Variants in PHLPP1 observed in about 807,000 individuals in gnomAD.
The protein encoded by PHLPP1 is PH domain leucine-rich repeat-containing protein phosphatase 1.
A neutral mutation model predicts 117.2 loss-of-function variants in PHLPP1; 42 were observed. The ratio of observed to expected loss-of-function variants is 0.36; its 90% CI spans 0.28 to 0.46. PHLPP1 has a LOEUF of 0.46. PHLPP1 is among the 20% of genes least tolerant of loss of function. PHLPP1 has a pLI of 1.00. For synonymous variants in PHLPP1, 1,042 were observed against 970.7 expected, an observed-to-expected ratio of 1.07 and a Z score of -1.37; for missense variants, 2,084 against 2,241.9, an observed-to-expected ratio of 0.93 and a Z score of 1.42.
Position 62,930,508 on chromosome 18 carries a change from A to G in PHLPP1, c.2960+10394A>G, listed in dbSNP as rs556280168. ...ATAATAAAGGGTTCGATTCAACCAG[A>G]AGATTTAATTATCCTATGTACATAC... On this transcript the variant is annotated intron_variant, in intron 10 of 16. Transcript: ENST00000262719. Among the ~76,000 whole-genome samples, 4 of 152,350 alleles carry G rather than the reference A, an allele frequency of 2.6e-5. No homozygotes were observed. In the South Asian group the frequency reaches 8.3e-4, roughly 32 times the overall value.
intron 3 of PHLPP1, among the ~76,000 whole-genome samples, chr18:62,859,450 A>C: frequency 6.6e-6 from 1 of 152,212 alleles, no homozygotes; most frequent in East Asian, 1.9e-4. Context: ...GACATAAAAT[A>C]AGTTTTACAT....
intron 1 of PHLPP1, among the ~76,000 whole-genome samples, chr18:62,797,398 G>A (rs886136458): frequency 2.6e-5 from 4 of 152,112 alleles, no homozygotes; most frequent in African/African-American, 9.7e-5. Context: ...TCCCCATAAA[G>A]CTTATATCCT....
intron 4 of PHLPP1, among the ~76,000 whole-genome samples, chr18:62,885,387 C>T (rs748509096): frequency 1.2e-4 from 18 of 152,098 alleles, no homozygotes; most frequent in Non-Finnish European, 2.6e-4. Flanking sequence ...ATTGGCCGGG[C>T]GTGGTGGCTT....
intron 14 of PHLPP1, among the ~76,000 whole-genome samples, chr18:62,965,507 C>T (rs1033465019): frequency 1.7e-4 from 24 of 144,866 alleles, no homozygotes; most frequent in African/African-American, 5.0e-4. Flanking sequence ...TCGCCCAGGC[C>T]GGAGTGCAAT....
chr18:62,901,711 C>T (rs1916729330), intron 6 of PHLPP1, among the ~76,000 whole-genome samples: 1 of 151,710 alleles, frequency 6.6e-6, no homozygotes, highest in Admixed American at 6.6e-5. Flanking sequence ...ACAACCTCCA[C>T]CTCCTGGGTT....
chr18:62,892,107 T>TA (rs1568152052), intron 4 of PHLPP1, among the ~76,000 whole-genome samples: 13 of 117,810 alleles, frequency 1.1e-4, no homozygotes, highest in African/African-American at 3.5e-4. Context: ...TTTTTTTTTT[T>TA]TACGGAGTTT....
At chr18:62,821,573 A>G (rs1203053358) in intron 1 of PHLPP1, among the ~76,000 whole-genome samples, 3 of 149,000 alleles carry the variant, frequency 2.0e-5, no homozygotes, top group Non-Finnish European at 4.5e-5. Context: ...AAAAAAAAAG[A>G]AAAGAAAAAA....
At chr18:62,730,939 T>C (rs1305068294) in intron 1 of PHLPP1, among the ~76,000 whole-genome samples, 1 of 152,054 alleles carries the variant, frequency 6.6e-6, no homozygotes, top group African/African-American at 2.4e-5. Flanking sequence ...AGATGTTAAT[T>C]AGAGTTAATT....
In PHLPP1 at chr18:62,770,656, T is replaced by C. The variant is rs150814721; in HGVS notation, c.1576+53397T>C. Among the ~76,000 whole-genome samples, 314 of 152,270 alleles carry C rather than the reference T, an allele frequency of 2.1e-3. 1 individual carries two copies. The highest frequency in any genetic ancestry group is 7.1e-3 in the African/African-American group (295 of 41,562). ...GTAGGATGTCTTCATTAAAGATTCATAGTTTGGATTTCGCTTACACAGATT... is the reference window on the plus strand; with the variant it reads ...GTAGGATGTCTTCATTAAAGATTCACAGTTTGGATTTCGCTTACACAGATT... On this transcript the variant is annotated intron_variant, in intron 1 of 16. Transcript: ENST00000262719.
chr18:62,853,660 G>T (rs1365639123), intron 3 of PHLPP1, among the ~76,000 whole-genome samples: 2 of 152,142 alleles, frequency 1.3e-5, no homozygotes, highest in African/African-American at 2.4e-5. Context: ...GTGAGCCTCT[G>T]CCCCCAGCCT....
rs140745182 is a variant in PHLPP1, at chr18:62,718,931, C to T, written c.1576+1672C>T. Among the ~76,000 whole-genome samples the T allele has an allele frequency of 3.4e-3, 520 of 152,224 alleles. 2 individuals are homozygous for T. Among genetic ancestry groups the T allele is most frequent in the African/African-American group, 0.012 (483 of 41,536 alleles). ...TTTGAATCTGTGTTTCCCTTTGATT[C>T]TCTTCAAGAGTGTCTAAAATATTCT... is the stretch of plus-strand genomic sequence containing the variant. On this transcript the variant is annotated intron_variant, in intron 1 of 16. Coordinates refer to ENST00000262719, the MANE Select transcript of PHLPP1 (RefSeq NM_194449.4).
chr18:62,851,523 C>T (rs960358682), intron 3 of PHLPP1, among the ~76,000 whole-genome samples: 5 of 152,128 alleles, frequency 3.3e-5, no homozygotes, highest in African/African-American at 7.2e-5. Flanking sequence ...TGCAGTGGTG[C>T]GATCTTGGCT....
chr18:62,926,601 C>T (rs973161735), intron 10 of PHLPP1, among the ~76,000 whole-genome samples: 2 of 152,086 alleles, frequency 1.3e-5, no homozygotes, highest in East Asian at 1.9e-4. Flanking sequence ...TTTTGCACCA[C>T]GATGATTCTC....
intron 13 of PHLPP1, among the ~76,000 whole-genome samples, chr18:62,962,484 T>A (rs1246141827): frequency 1.3e-5 from 2 of 152,140 alleles, no homozygotes; most frequent in African/African-American, 2.4e-5. Context: ...ATTTTTTGTA[T>A]TTTTAGTAGA....
intron 1 of PHLPP1, among the ~76,000 whole-genome samples, chr18:62,809,960 G>C (rs1207771147): frequency 6.6e-6 from 1 of 152,200 alleles, no homozygotes; most frequent in African/African-American, 2.4e-5. Flanking sequence ...GGTTGCAAAA[G>C]TTTATAAGAT....
chr18:62,979,167 G>A lies in PHLPP1; in HGVS notation c.4890G>A (p.Gln1630=). Residue 1630 remains glutamine (Q), a synonymous_variant, in exon 17 of 17, where the codon CAG becomes CAA. Transcript: ENST00000262719. ...RRRANGSVAP[Q]ERSHNVIEVA... is the part of the protein sequence containing the mutation. The stretch of plus-strand genomic sequence containing the variant: ...GGGCCAATGGCTCTGTTGCGCCCCA[G>A]GAAAGGAGCCACAATGTGATAGAGG... 6.2e-7 allele frequency: 1 copy of A among 1,613,922 alleles called. No homozygotes were observed. The highest frequency in any genetic ancestry group is 8.5e-7 in the Non-Finnish European group (1 of 1,179,880).
intron 1 of PHLPP1, among the ~76,000 whole-genome samples, chr18:62,769,843 A>G (rs1401409563): frequency 6.6e-6 from 1 of 152,214 alleles, no homozygotes. Context: ...TACTGATTCC[A>G]TATTTCAAAT....
intron 4 of PHLPP1, among the ~76,000 whole-genome samples, chr18:62,865,348 CTG>C (rs1346666541): frequency 6.6e-6 from 1 of 151,874 alleles, no homozygotes; most frequent in Non-Finnish European, 1.5e-5. Flanking sequence ...AAAAGTTGTA[CTG>C]GCACTACAAC....
chr18:62,759,804 T>A (rs911348947), intron 1 of PHLPP1, among the ~76,000 whole-genome samples: 1 of 152,194 alleles, frequency 6.6e-6, no homozygotes, highest in Non-Finnish European at 1.5e-5. Flanking sequence ...CATTTCATCA[T>A]TAGCTATATT....
Sources: allele counts gnomAD v4.1 joint callset (sites outside exome capture counted in the v4.1 genomes callset), GRCh38; gene constraint gnomAD v4.1.1; transcripts MANE v1.5; gene names NCBI Gene and HGNC (gene_info 2026-07-23, HGNC 2026-07-21).